ZNF793: variants seen among roughly 807,000 people sequenced by gnomAD.
ZNF793 encodes zinc finger protein 793.
Under a neutral mutation model 12.4 loss-of-function variants are expected in ZNF793, and 5 were observed. The observed-to-expected ratio is 0.40, with a 90% CI of 0.21 to 0.84. The LOEUF (loss-of-function observed/expected upper bound fraction) is 0.84, where lower values mean the gene tolerates loss of function less well. ZNF793 is among the 40% of genes least tolerant of loss of function. The pLI is 0.35. For missense variants in ZNF793, 456 were observed against 495.0 expected (o/e 0.92, Z 0.75); for synonymous variants, 162 against 172.4 (o/e 0.94, Z 0.47).
At chr19:37,527,239 A>C (rs1264971584) in intron 5 of ZNF793, among the ~76,000 whole-genome samples, 1 of 152,012 alleles carries the variant, frequency 6.6e-6, no homozygotes, top group Non-Finnish European at 1.5e-5. Flanking sequence ...TTTTTAGTAG[A>C]GATGGGGTTT....
At chr19:37,510,159 G>C (rs1337504678) in intron 2 of ZNF793, among the ~76,000 whole-genome samples, 1 of 152,024 alleles carries the variant, frequency 6.6e-6, no homozygotes, top group African/African-American at 2.4e-5. Flanking sequence ...CCAGGATCTT[G>C]AGACCAGCCT....
chr19:37,515,588 G>A (rs1264945937), intron 2 of ZNF793, among the ~76,000 whole-genome samples: 5 of 152,142 alleles, frequency 3.3e-5, no homozygotes, highest in East Asian at 1.9e-4. Context: ...GATTACAGGC[G>A]TGAGCCACCG....
chr19:37,520,049 CT>C (rs1473714893), intron 2 of ZNF793, 134 bp from the exon 3 acceptor site: 3 of 152,336 alleles, frequency 2.0e-5, no homozygotes, highest in African/African-American at 7.2e-5. Flanking sequence ...GGAGTTCCCC[CT>C]GTCCCAGTCC....
chr19:37,520,584 C>G (rs2042367484), intron 3 of ZNF793, among the ~76,000 whole-genome samples: 1 of 152,186 alleles, frequency 6.6e-6, no homozygotes, highest in Admixed American at 6.5e-5. Flanking sequence ...TCCAGGAAGA[C>G]AGAGTGAAGG....
At position 37,538,125 on chromosome 19, in the gene ZNF793, C is replaced by T. The variant is rs2042524775; in HGVS notation, c.*246C>T. 5.2e-6 allele frequency: 2 copies of T among 382,710 alleles called. No homozygotes were observed. Among genetic ancestry groups the T allele is most frequent in the Non-Finnish European group, 9.5e-6 (2 of 211,042 alleles). 23.7% of individuals were successfully genotyped at this position (382,710 alleles called of 1,614,324 possible). ...AGAGACGGGGTTTCACCGTGTTAGC[C>T]AGGATGGTCTCGATCTCCTGACCTT... is the stretch of plus-strand genomic sequence containing the variant. On this transcript the variant is annotated 3_prime_UTR_variant, in exon 8 of 8. Transcript: ENST00000627814.
rs766672031 is a variant in ZNF793, at chr19:37,542,183, G to C, written c.*4304G>C. The C allele has an allele frequency of 1.5e-4, 24 of 160,060 alleles. No individual in the cohort carries two copies. The highest frequency in any genetic ancestry group is 3.2e-4 in the Non-Finnish European group (23 of 72,652). The allele number at this position is 160,060 out of a possible 1,614,324, so 9.9% of individuals were successfully genotyped here. ...CGAGGCAGGCAAATTGTCTGAGGTCGGGAGTTCGAGAACAGCCTGGCCAGC... is the reference window on the plus strand; with the variant it reads ...CGAGGCAGGCAAATTGTCTGAGGTCCGGAGTTCGAGAACAGCCTGGCCAGC... On this transcript the variant is annotated 3_prime_UTR_variant, in exon 8 of 8. Coordinates refer to ENST00000627814, the MANE Select transcript of ZNF793 (RefSeq NM_001013659.3).
intron 2 of ZNF793, among the ~76,000 whole-genome samples, chr19:37,519,873 T>G (rs1008108367): frequency 1.4e-4 from 21 of 152,310 alleles, no homozygotes; most frequent in Middle Eastern, 3.4e-3. Flanking sequence ...GGCTCCCGAG[T>G]CTGTTTGACA....
chr19:37,522,093 T>C (rs1346819348), intron 3 of ZNF793, among the ~76,000 whole-genome samples: 1 of 152,118 alleles, frequency 6.6e-6, no homozygotes, highest in Non-Finnish European at 1.5e-5. Flanking sequence ...TTATAATGAT[T>C]TAATAATCAT....
intron 5 of ZNF793, among the ~76,000 whole-genome samples, chr19:37,528,100 G>T (rs2042430553): frequency 6.6e-6 from 1 of 152,186 alleles, no homozygotes; most frequent in Non-Finnish European, 1.5e-5. Context: ...CTGCACTCCA[G>T]CCTGGGCAAC....
chr19:37,506,664 T>C (rs1235862094), upstream of ZNF793: 1 of 152,226 alleles, frequency 6.6e-6, no homozygotes, highest in Non-Finnish European at 1.5e-5. Flanking sequence ...GCATCTGAGA[T>C]GCTGAGTTAA....
chr19:37,524,287 C>A (rs2042397168), intron 5 of ZNF793, among the ~76,000 whole-genome samples: 1 of 151,864 alleles, frequency 6.6e-6, no homozygotes, highest in Non-Finnish European at 1.5e-5. Context: ...AACATGTTAT[C>A]TTTATTTTTT....
Position 37,537,803 on chromosome 19 carries a change from T to G in ZNF793, c.1145T>G (p.Leu382Arg). ...AAAGCTTTCTACCAGAAGCCAAACC[T>G]CAGCAGACATCAGAAAATTCATGCT... ...CGKAFYQKPN[L>R]SRHQKIHARK... Residue 382 changes from leucine (L) to arginine (R), a missense_variant, in exon 8 of 8, where the codon CTC becomes CGC. Physicochemically the swap from Leu to Arg is moderately radical, Grantham distance 102 (BLOSUM62 -2). Transcript: ENST00000627814. 1 of 1,613,498 alleles carries G rather than the reference T, an allele frequency of 6.2e-7. No homozygotes were observed. Among genetic ancestry groups the G allele is most frequent in the Non-Finnish European group, 8.5e-7 (1 of 1,179,694 alleles).
chr19:37,522,528 C>A lies in ZNF793; in HGVS notation c.-146-4C>A, dbSNP rs1568789718. 1 of 152,130 alleles carries A rather than the reference C, an allele frequency of 6.6e-6. No individual in the cohort carries two copies. Among genetic ancestry groups the A allele is most frequent in the Non-Finnish European group, 1.5e-5 (1 of 68,034 alleles). The allele number at this position is 152,130 out of a possible 1,614,324, so 9.4% of individuals were successfully genotyped here. On this transcript the variant is annotated splice_polypyrimidine_tract_variant and splice_region_variant and intron_variant, in intron 3 of 7. Coordinates refer to ENST00000627814, the MANE Select transcript of ZNF793 (RefSeq NM_001013659.3). The stretch of plus-strand genomic sequence containing the variant: ...GCAACTTTTCTTTTCTTTTTCCATT[C>A]CAGGATCTAATCCAGGATCATATGC...
rs944173644 is a variant in ZNF793 at position 37,540,663 on chromosome 19, A to C, written c.*2784A>C. On this transcript the variant is annotated 3_prime_UTR_variant, in exon 8 of 8. Coordinates refer to ENST00000627814, the MANE Select transcript of ZNF793 (RefSeq NM_001013659.3). ...CTTAGAGATTCCAGTGAAGGCAATA[A>C]AAAGAAATGAATTGGTATAAACAGC... 1.3e-5 allele frequency: 2 copies of C among 151,952 alleles called. No homozygotes were observed. The highest frequency in any genetic ancestry group is 4.8e-5 in the African/African-American group (2 of 41,412). The allele number at this position is 151,952 out of a possible 1,614,324, so 9.4% of individuals were successfully genotyped here.
intron 2 of ZNF793, among the ~76,000 whole-genome samples, chr19:37,512,529 C>CTAACAATAATAATAA (rs1284376281): frequency 6.6e-6 from 1 of 151,714 alleles, no homozygotes; most frequent in Non-Finnish European, 1.5e-5. Context: ...AATAATAATA[C>CTAACAATAATAATAA]TAACAATAAT....
At chr19:37,524,493 T>C (rs2042398977) in intron 5 of ZNF793, among the ~76,000 whole-genome samples, 2 of 152,168 alleles carry the variant, frequency 1.3e-5, no homozygotes, top group African/African-American at 4.8e-5. Flanking sequence ...AAGTGGAGAG[T>C]CCAAGAGTCA....
intron 2 of ZNF793, among the ~76,000 whole-genome samples, chr19:37,517,434 C>G (rs909880030): frequency 8.4e-6 from 1 of 119,122 alleles, no homozygotes; most frequent in Non-Finnish European, 1.7e-5. Flanking sequence ...CCAGCCTGGG[C>G]AACAAGAGAG....
At chr19:37,519,148 C>G (rs1431243009) in intron 2 of ZNF793, among the ~76,000 whole-genome samples, 1 of 151,738 alleles carries the variant, frequency 6.6e-6, no homozygotes, top group Non-Finnish European at 1.5e-5. Context: ...TGCCTGTAGT[C>G]CCAGCTACTC....
intron 7 of ZNF793, chr19:37,536,524 A>G: frequency 2.5e-6 from 1 of 406,972 alleles, no homozygotes. Flanking sequence ...GTTTTATTAG[A>G]ACACAACCAC....
Sources: gnomAD v4.1 joint callset for allele counts (sites outside exome capture counted in the v4.1 genomes callset) on GRCh38, gnomAD v4.1.1 for gene constraint, MANE v1.5 for transcripts, NCBI Gene and HGNC (gene_info 2026-07-23, HGNC 2026-07-21) for gene names.